ADARB2: variants seen among roughly 807,000 people sequenced by gnomAD.
ADARB2 encodes adenosine deaminase RNA specific B2 (inactive).
A neutral mutation model predicts 62.2 loss-of-function variants in ADARB2; 25 were observed. The observed-to-expected ratio is 0.40, with a 90% CI of 0.29 to 0.56. ADARB2 has a LOEUF of 0.56. Among genes scored for constraint, ADARB2 ranks in the 20% least tolerant of loss-of-function variants. The pLI is 0.43. For synonymous variants in ADARB2, 572 were observed against 500.8 expected (o/e 1.14, Z -1.90); for missense variants, 1,071 against 1,077.4 (o/e 0.99, Z 0.08).
chr10:1,632,222 G>A (rs1237351822), intron 1 of ADARB2, among the ~76,000 whole-genome samples: 4 of 152,054 alleles, frequency 2.6e-5, no homozygotes, highest in Non-Finnish European at 5.9e-5. Flanking sequence ...AAACACACTT[G>A]TGCAGGCATG....
intron 1 of ADARB2, among the ~76,000 whole-genome samples, chr10:1,460,714 A>G (rs113313242): frequency 0.27 from 7,026 of 26,494 alleles, 156 homozygotes; most frequent in Non-Finnish European, 0.29. Context: ...TGTGACCTGA[A>G]TTTACCTGTG....
chr10:1,187,931 TA>T, intron 8 of ADARB2: 1 of 328,484 alleles, frequency 3.0e-6, no homozygotes, highest in Non-Finnish European at 6.7e-6. Flanking sequence ...TGTGATGACG[TA>T]AATCACACTG....
In ADARB2 at chr10:1,549,804, C is replaced by G. The variant is rs576696918; in HGVS notation, c.101-170644G>C. Among the ~76,000 whole-genome samples, 201 of 152,274 alleles carry G rather than the reference C, an allele frequency of 1.3e-3. 2 individuals carry two copies. Among genetic ancestry groups the G allele is most frequent in the Admixed American group, 2.5e-3 (38 of 15,308 alleles). On this transcript the variant is annotated intron_variant, in intron 1 of 9. Transcript: ENST00000381312. ...CCCTGTTCAAGCGTGGGAACCACCC[C>G]AGACCCTTCCTTCCAGCCAACTGCG...
At chr10:1,345,729 C>A (rs565533803) in intron 3 of ADARB2, among the ~76,000 whole-genome samples, 3 of 152,152 alleles carry the variant, frequency 2.0e-5, no homozygotes, top group Non-Finnish European at 4.4e-5. Context: ...TCCACATGGA[C>A]GCATGACTCT....
At chr10:1,206,710 G>A (rs1473166816) in intron 7 of ADARB2, among the ~76,000 whole-genome samples, 1 of 152,190 alleles carries the variant, frequency 6.6e-6, no homozygotes, top group African/African-American at 2.4e-5. Context: ...CCGTCTCTGC[G>A]TCTCTGTATT....
chr10:1,476,986 G>A (rs191445447), intron 1 of ADARB2, among the ~76,000 whole-genome samples: 20 of 152,062 alleles, frequency 1.3e-4, no homozygotes, highest in African/African-American at 4.6e-4. Flanking sequence ...GGCTGCCCAC[G>A]GGTTCCGGAT....
chr10:1,468,771 C>T (rs991087905), intron 1 of ADARB2, among the ~76,000 whole-genome samples: 6 of 152,222 alleles, frequency 3.9e-5, no homozygotes, highest in East Asian at 1.9e-4. Flanking sequence ...AGCGACGGGG[C>T]GTGCATGGCA....
chr10:1,452,117 C>A (rs1831048379), intron 1 of ADARB2, among the ~76,000 whole-genome samples: 1 of 152,174 alleles, frequency 6.6e-6, no homozygotes, highest in Non-Finnish European at 1.5e-5. Flanking sequence ...GGCTGACACA[C>A]CACCTTCAGA....
intron 2 of ADARB2, among the ~76,000 whole-genome samples, chr10:1,371,784 T>TAAA (rs71379114): frequency 7.9e-6 from 1 of 125,812 alleles, no homozygotes; most frequent in Non-Finnish European, 1.7e-5. Context: ...TATTAAAAAG[T>TAAA]AAAAAAAAAA....
At position 1,181,408 on chromosome 10, in the gene ADARB2, A is replaced by T. The variant is rs1836674048; in HGVS notation, c.*1785T>A. The T allele has an allele frequency of 6.6e-6, 1 of 152,218 alleles. No homozygotes were observed. Among genetic ancestry groups the T allele is most frequent in the African/African-American group, 2.4e-5 (1 of 41,452 alleles). 9.4% of individuals were successfully genotyped at this position (152,218 alleles called of 1,614,324 possible). Reference sequence around the variant, plus strand: ...TATAAAAGATTAATGTGAGTCCTTTATTTGAAAAAATGTTCTCGTATCTTT... The same window carrying T: ...TATAAAAGATTAATGTGAGTCCTTTTTTTGAAAAAATGTTCTCGTATCTTT... On this transcript the variant is annotated 3_prime_UTR_variant, in exon 10 of 10. Transcript: ENST00000381312.
chr10:1,518,705 A>T (rs1336935212), intron 1 of ADARB2, among the ~76,000 whole-genome samples: 1 of 151,690 alleles, frequency 6.6e-6, no homozygotes, highest in African/African-American at 2.4e-5. Context: ...GGTCATACGC[A>T]TTCATTCCGT....
chr10:1,529,529 C>CT (rs1194596304), intron 1 of ADARB2, among the ~76,000 whole-genome samples: 2 of 152,200 alleles, frequency 1.3e-5, no homozygotes, highest in Non-Finnish European at 2.9e-5. Flanking sequence ...GCCCCACACC[C>CT]TTCCACTCTT....
At chr10:1,498,298 C>G (rs1460046517) in intron 1 of ADARB2, among the ~76,000 whole-genome samples, 1 of 151,942 alleles carries the variant, frequency 6.6e-6, no homozygotes, top group Non-Finnish European at 1.5e-5. Context: ...TCACTTGAAC[C>G]CAGGAGGCAG....
intron 1 of ADARB2, among the ~76,000 whole-genome samples, chr10:1,474,326 A>G (rs11250558): frequency 2.6e-5 from 4 of 151,988 alleles, no homozygotes; most frequent in African/African-American, 4.8e-5. Flanking sequence ...GGGTGAGAGG[A>G]CACCAGCTGC....
chr10:1,647,995 C>A (rs905578072), intron 1 of ADARB2, among the ~76,000 whole-genome samples: 3 of 152,088 alleles, frequency 2.0e-5, no homozygotes, highest in African/African-American at 7.2e-5. Context: ...GTGATAAATT[C>A]TAATTGAGTG....
intron 4 of ADARB2, among the ~76,000 whole-genome samples, chr10:1,259,579 C>A (rs1183541830): frequency 2.0e-5 from 3 of 152,222 alleles, no homozygotes; most frequent in Non-Finnish European, 4.4e-5. Context: ...GACACATACA[C>A]TCTCCCAAGA....
chr10:1,672,680 G>A (rs918944339), intron 1 of ADARB2, among the ~76,000 whole-genome samples: 16 of 143,118 alleles, frequency 1.1e-4, no homozygotes, highest in Non-Finnish European at 1.1e-4. Flanking sequence ...CTCCACGCAC[G>A]CACTTCCCTT....
intron 1 of ADARB2, among the ~76,000 whole-genome samples, chr10:1,571,297 T>A (rs2676757): frequency 0.32 from 48,604 of 151,108 alleles, 8,093 homozygotes; most frequent in African/African-American, 0.4. Context: ...TTTTTTTTTT[T>A]AAAAAAAGCC....
intron 1 of ADARB2, among the ~76,000 whole-genome samples, chr10:1,444,281 A>ATCCATCCATC (rs758159917): frequency 8.5e-6 from 1 of 117,568 alleles, no homozygotes; most frequent in Non-Finnish European, 1.6e-5. Context: ...CCATCTATCT[A>ATCCATCCATC]CATCCATCCA....
Sources: allele counts gnomAD v4.1 joint callset (sites outside exome capture counted in the v4.1 genomes callset), GRCh38; gene constraint gnomAD v4.1.1; transcripts MANE v1.5; gene names NCBI Gene and HGNC (gene_info 2026-07-23, HGNC 2026-07-21).